The following EIF2AK2 variants were observed in gnomAD, a reference collection of about 807,000 sequenced individuals.
The protein encoded by EIF2AK2 is interferon-induced, double-stranded RNA-activated protein kinase.
EIF2AK2 carries 40 observed loss-of-function variants against 70.5 expected under a neutral mutation model. The ratio of observed to expected loss-of-function variants is 0.57; its 90% CI spans 0.44 to 0.74. EIF2AK2 has a LOEUF of 0.74. EIF2AK2 is among the 30% of genes least tolerant of loss of function. EIF2AK2 has a pLI of 0.00. For missense variants in EIF2AK2, 555 were observed against 644.3 expected, an observed-to-expected ratio of 0.86 and a Z score of 1.50; for synonymous variants, 198 against 220.9, an observed-to-expected ratio of 0.90 and a Z score of 0.92.
intron 12 of EIF2AK2, among the ~76,000 whole-genome samples, chr2:37,121,772 G>A (rs1391554245): frequency 2.0e-5 from 3 of 152,086 alleles, no homozygotes; most frequent in African/African-American, 7.2e-5. Context: ...TATGCTGACG[G>A]TCAATAACTC....
chr2:37,141,685 A>T lies in EIF2AK2; in HGVS notation c.257T>A (p.Leu86Ter). 1 of 1,612,838 alleles carries T rather than the reference A, an allele frequency of 6.2e-7. No homozygotes were observed. Among genetic ancestry groups the T allele is most frequent in the South Asian group, 1.1e-5 (1 of 90,494 alleles). The change falls in exon 5 of 17, where the codon TTA (leucine) becomes TAA (stop). Residue 86 changes from leucine (L) to a stop codon, truncating the protein, a stop_gained. Transcript: ENST00000233057. LOFTEE classifies it high-confidence loss of function. ...NKEKKAVSPLLLTTTNSSEGL... is the reference protein window; with the variant it reads ...NKEKKAVSPL ...TTCTGAAGAATTCGTTGTTGTCAAT[A>T]ATAAAGGACTAACTGCCTACAAAGA...
chr2:37,148,508 G>T, intron 2 of EIF2AK2: 1 of 620,712 alleles, frequency 1.6e-6, no homozygotes, highest in South Asian at 1.7e-5. Context: ...AATAAAACAA[G>T]GAAAATATGC....
At chr2:37,114,616 G>C (rs1046783547) in intron 14 of EIF2AK2, 115 bp downstream of exon 14, 3 of 961,042 alleles carry the variant, frequency 3.1e-6, no homozygotes, top group Non-Finnish European at 4.1e-6. Context: ...GAATGGTAAG[G>C]AAAATTTTTA....
intron 3 of EIF2AK2, 84 bp from the exon 4 acceptor site, chr2:37,147,057 A>ATGAC (rs1228821685): frequency 3.7e-5 from 49 of 1,327,810 alleles, no homozygotes; most frequent in Non-Finnish European, 4.4e-5. Context: ...ACTACCTCCT[A>ATGAC]TGACTACCTT....
intron 13 of EIF2AK2, among the ~76,000 whole-genome samples, chr2:37,118,414 G>C (rs551596789): frequency 6.6e-6 from 1 of 152,308 alleles, no homozygotes; most frequent in Admixed American, 6.5e-5. Context: ...CACAAGAAAA[G>C]ATCAGTCCAT....
Position 37,114,875 on chromosome 2 carries a change from A to T in EIF2AK2, c.1249-16T>A, listed in dbSNP as rs772883798. The T allele has an allele frequency of 1.5e-5, 23 of 1,500,472 alleles. No individual in the cohort carries two copies. Among genetic ancestry groups the T allele is most frequent in the Admixed American group, 4.3e-5 (2 of 46,644 alleles). 92.9% of individuals were successfully genotyped at this position (1,500,472 alleles called of 1,614,324 possible). A position where few individuals can be genotyped will look rare whatever the true frequency, so the allele number is the denominator to read the frequency against. ...TATTACTTGGCTATGAAAAAAAAAA[A>T]TTTAACTTACATGTACCAACTTAAC... On this transcript the variant is annotated splice_polypyrimidine_tract_variant and intron_variant, in intron 13 of 16. Transcript: ENST00000233057.
At chr2:37,133,644 CT>C (rs1675025995) in intron 10 of EIF2AK2, among the ~76,000 whole-genome samples, 1 of 152,196 alleles carries the variant, frequency 6.6e-6, no homozygotes, top group Non-Finnish European at 1.5e-5. Context: ...CCTTCAGCCT[CT>C]CTTGTGTCTC....
chr2:37,134,755 C>T (rs1240398178), intron 10 of EIF2AK2, among the ~76,000 whole-genome samples: 1 of 152,100 alleles, frequency 6.6e-6, no homozygotes, highest in Admixed American at 6.5e-5. Flanking sequence ...ATGACAAAGG[C>T]TTATTTTTTG....
chr2:37,150,876 G>A (rs1308665303), intron 1 of EIF2AK2, among the ~76,000 whole-genome samples: 1 of 152,142 alleles, frequency 6.6e-6, no homozygotes, highest in Non-Finnish European at 1.5e-5. Flanking sequence ...TTTAACCACT[G>A]AGTAAATTAA....
intron 13 of EIF2AK2, among the ~76,000 whole-genome samples, chr2:37,119,279 G>T (rs1039987204): frequency 6.6e-6 from 1 of 152,164 alleles, no homozygotes; most frequent in Non-Finnish European, 1.5e-5. Context: ...TCCAATCATG[G>T]GGTTGAAATG....
Position 37,135,560 on chromosome 2 carries a change from G to A in EIF2AK2, c.723-14C>T, listed in dbSNP as rs1322060962. The stretch of plus-strand genomic sequence containing the variant: ...GGTGCCAAAGATCTAAAAATTAAGA[G>A]TTGAATGTAAAACTCAAATAAAATT... On this transcript the variant is annotated splice_polypyrimidine_tract_variant and intron_variant, in intron 9 of 16. Transcript: ENST00000233057. 2 of 1,601,254 alleles carry A rather than the reference G, an allele frequency of 1.2e-6. No homozygotes were observed. Among genetic ancestry groups the A allele is most frequent in the African/African-American group, 1.3e-5 (1 of 74,334 alleles).
At chr2:37,121,343 A>G (rs1477999887) in intron 12 of EIF2AK2, among the ~76,000 whole-genome samples, 1 of 151,692 alleles carries the variant, frequency 6.6e-6, no homozygotes, top group East Asian at 1.9e-4. Flanking sequence ...TGCAATCACC[A>G]TTGCTAACAG....
rs1673865407 is a variant in EIF2AK2, at chr2:37,103,045, G to C, written c.*4228C>G. The C allele has an allele frequency of 6.6e-6, 1 of 151,138 alleles. No individual in the cohort carries two copies. The highest frequency in any genetic ancestry group is 2.1e-4 in the South Asian group (1 of 4,800). 9.4% of individuals were successfully genotyped at this position (151,138 alleles called of 1,614,324 possible). A position where few individuals can be genotyped will look rare whatever the true frequency, so the allele number is the denominator to read the frequency against. On this transcript the variant is annotated 3_prime_UTR_variant, in exon 17 of 17. Transcript: ENST00000233057. The stretch of plus-strand genomic sequence containing the variant: ...TGTGTGCATTTTAATTAGCAAATAA[G>C]GTCCCAGGCTCTTGCCCCTGTCCTC...
chr2:37,122,967 A>T (rs1674607743), intron 11 of EIF2AK2, among the ~76,000 whole-genome samples: 1 of 152,108 alleles, frequency 6.6e-6, no homozygotes, highest in Admixed American at 6.5e-5. Context: ...GGAGTTCAAG[A>T]CCAGCCTGAC....
intron 14 of EIF2AK2, among the ~76,000 whole-genome samples, chr2:37,113,773 G>A (rs1674240755): frequency 6.6e-6 from 1 of 152,146 alleles, no homozygotes; most frequent in Admixed American, 6.6e-5. Context: ...AACTAAAATA[G>A]CAAGATACTC....
rs1336799095 is a variant in EIF2AK2, at chr2:37,106,460, C to T, written c.*813G>A. On this transcript the variant is annotated 3_prime_UTR_variant, in exon 17 of 17. Transcript: ENST00000233057. ...GCTATTATAAACAGGGTTTTATGGA[C>T]ATTCTTGTAAGCACGTATGTAGGAA... 1 of 151,642 alleles carries T rather than the reference C, an allele frequency of 6.6e-6. No homozygotes were observed. Among genetic ancestry groups the T allele is most frequent in the Non-Finnish European group, 1.5e-5 (1 of 67,982 alleles). The allele number at this position is 151,642 out of a possible 1,614,324, so 9.4% of individuals were successfully genotyped here.
At chr2:37,120,727 C>A (rs866767765) in intron 12 of EIF2AK2, among the ~76,000 whole-genome samples, 1 of 149,422 alleles carries the variant, frequency 6.7e-6, no homozygotes, top group Middle Eastern at 3.5e-3. Flanking sequence ...CCTTGGGAGG[C>A]CGAGACTGGC....
At chr2:37,113,498 C>CAAAA (rs61174879) in intron 14 of EIF2AK2, among the ~76,000 whole-genome samples, 41 of 33,016 alleles carry the variant, frequency 1.2e-3, no homozygotes, top group South Asian at 7.3e-3. Flanking sequence ...AACTCCATCT[C>CAAAA]AAAAAAAAAA....
chr2:37,102,591 A>G lies in EIF2AK2; in HGVS notation c.*4682T>C, dbSNP rs747231303. The G allele has an allele frequency of 6.6e-6, 1 of 152,208 alleles. No homozygotes were observed. Among genetic ancestry groups the G allele is most frequent in the Non-Finnish European group, 1.5e-5 (1 of 68,046 alleles). 9.4% of individuals were successfully genotyped at this position (152,208 alleles called of 1,614,324 possible). ...TTTCTTCTCAGATACATACATGCAT[A>G]TATATGTATTATATAAAATACATAT... On this transcript the variant is annotated 3_prime_UTR_variant, in exon 17 of 17. Coordinates refer to ENST00000233057, the MANE Select transcript of EIF2AK2 (RefSeq NM_001135651.3).
Sources: allele counts gnomAD v4.1 joint callset (sites outside exome capture counted in the v4.1 genomes callset), GRCh38; gene constraint gnomAD v4.1.1; transcripts MANE v1.5; gene names NCBI Gene and HGNC (gene_info 2026-07-23, HGNC 2026-07-21).